Variants in CLDN14 observed in about 807,000 individuals in gnomAD.
CLDN14 encodes claudin 14.
In CLDN14, 2 loss-of-function variants were observed where a neutral mutation model predicts 2.1. The observed-to-expected ratio is 0.96, with a 90% CI of 0.39 to 3.01. The LOEUF (loss-of-function observed/expected upper bound fraction) is 3.01. Among genes scored for constraint, CLDN14 ranks in the 30% most tolerant of loss-of-function variants. CLDN14 has a pLI of 0.09. For missense variants in CLDN14, 298 were observed against 328.0 expected, an observed-to-expected ratio of 0.91 and a Z score of 0.71; for synonymous variants, 136 against 154.4, an observed-to-expected ratio of 0.88 and a Z score of 0.88.
intron 2 of CLDN14, among the ~76,000 whole-genome samples, chr21:36,489,649 G>C (rs1387469656): frequency 6.6e-6 from 1 of 152,210 alleles, no homozygotes; most frequent in East Asian, 1.9e-4. Flanking sequence ...ACCTGTCCTG[G>C]ATGCCACCTA....
intron 1 of CLDN14, among the ~76,000 whole-genome samples, chr21:36,550,534 G>T (rs562680182): frequency 1.3e-5 from 2 of 152,130 alleles, no homozygotes; most frequent in African/African-American, 4.8e-5. Context: ...CCTGCTCATC[G>T]CCAGGGTTTC....
chr21:36,482,452 A>ATGGATG (rs2086858768), upstream of CLDN14, among the ~76,000 whole-genome samples: 4 of 114,702 alleles, frequency 3.5e-5, no homozygotes, highest in African/African-American at 1.1e-4. Flanking sequence ...ATGGATGGAT[A>ATGGATG]GATGGATGGA....
At chr21:36,564,873 G>A (rs895196778) in intron 1 of CLDN14, among the ~76,000 whole-genome samples, 4 of 152,174 alleles carry the variant, frequency 2.6e-5, no homozygotes, top group African/African-American at 9.7e-5. Flanking sequence ...TGCTCACTTT[G>A]AAGGTGGAGA....
chr21:36,505,897 T>C (rs2087128133), intron 2 of CLDN14, among the ~76,000 whole-genome samples: 2 of 152,302 alleles, frequency 1.3e-5, no homozygotes, highest in East Asian at 1.9e-4. Flanking sequence ...CTGGCTTTTG[T>C]CTTCTCTGAA....
At chr21:36,532,739 G>C (rs1015944450) in intron 1 of CLDN14, among the ~76,000 whole-genome samples, 2 of 152,102 alleles carry the variant, frequency 1.3e-5, no homozygotes, top group African/African-American at 2.4e-5. Flanking sequence ...TCGAGAATGC[G>C]GGGAGAAAGA....
chr21:36,549,621 G>T (rs1334573518), intron 1 of CLDN14, among the ~76,000 whole-genome samples: 1 of 152,224 alleles, frequency 6.6e-6, no homozygotes, highest in Non-Finnish European at 1.5e-5. Flanking sequence ...CCAGCCACAG[G>T]CTCAGCCAGA....
intron 1 of CLDN14, among the ~76,000 whole-genome samples, chr21:36,538,248 T>C (rs2087446794): frequency 6.6e-6 from 1 of 152,116 alleles, no homozygotes; most frequent in Admixed American, 6.6e-5. Context: ...CCCAAACAAC[T>C]CAAATGGTTG....
At chr21:36,571,175 G>A (rs1006581759) in intron 1 of CLDN14, among the ~76,000 whole-genome samples, 8 of 152,222 alleles carry the variant, frequency 5.3e-5, no homozygotes, top group Non-Finnish European at 1.2e-4. Context: ...TAATGACACT[G>A]TGTAGAAAGC....
intron 1 of CLDN14, among the ~76,000 whole-genome samples, chr21:36,468,887 G>A (rs576522966): frequency 1.2e-4 from 18 of 151,978 alleles, no homozygotes; most frequent in African/African-American, 4.3e-4. Context: ...AGCCTCCAGA[G>A]TAGCTGGGAT....
rs751427421 is a variant in CLDN14, at chr21:36,461,031, G to T, written c.665C>A (p.Ala222Asp). 2 of 1,613,694 alleles carry T rather than the reference G, an allele frequency of 1.2e-6. No individual in the cohort carries two copies. Among genetic ancestry groups the T allele is most frequent in the Non-Finnish European group, 1.7e-6 (2 of 1,179,988 alleles). ...GTGCGTGGCCGAGGTCACTGAGGGGGCCCGATTGTCTTTGTAGGCAGCTGG... is the reference window on the plus strand; with the variant it reads ...GTGCGTGGCCGAGGTCACTGAGGGGTCCCGATTGTCTTTGTAGGCAGCTGG... ...QPPAAYKDNR[A>D]PSVTSATHSG... is the part of the protein sequence containing the mutation. The change falls in exon 2 of 2, where the codon GCC becomes GAC. Residue 222 changes from alanine to aspartate, a missense_variant. Coordinates refer to ENST00000399135, the MANE Select transcript of CLDN14 (RefSeq NM_001146079.2).
chr21:36,505,841 G>T (rs1306023493), intron 2 of CLDN14, among the ~76,000 whole-genome samples: 4 of 152,228 alleles, frequency 2.6e-5, no homozygotes, highest in Non-Finnish European at 4.4e-5. Flanking sequence ...TTGGATGGAG[G>T]GGAGGCGTAA....
In CLDN14 at chr21:36,551,433, CTCT is replaced by C. The variant is rs1244340909; in HGVS notation, c.-220+24975_-220+24977del. ...TGCCTCCTTTTCTTGCCTCTCTTCC[CTCT>C]TCAGCCCACAAACTCCTTGAGGTCT... On this transcript the variant is annotated intron_variant, in intron 1 of 2. Coordinates refer to the CLDN14 transcript ENST00000342108. This position sits in a 1 kb window ranked among gnomAD's most constrained non-coding sequence, Gnocchi z 4.8. Among the ~76,000 whole-genome samples, 5 of 152,206 alleles carry C rather than the reference CTCT, an allele frequency of 3.3e-5. No individual in the cohort carries two copies. Among genetic ancestry groups the C allele is most frequent in the Admixed American group, 1.3e-4 (2 of 15,286 alleles).
At chr21:36,557,905 G>A (rs900266112) in intron 1 of CLDN14, among the ~76,000 whole-genome samples, 7 of 152,116 alleles carry the variant, frequency 4.6e-5, no homozygotes, top group African/African-American at 1.7e-4. Context: ...TTCCTCTAGA[G>A]GTTTCAGGTC....
At chr21:36,501,408 T>C (rs77213226) in intron 2 of CLDN14, among the ~76,000 whole-genome samples, 7,222 of 139,334 alleles carry the variant, frequency 0.052, 613 homozygotes, top group African/African-American at 0.18. Flanking sequence ...TAGTGTGAGT[T>C]GTAGAAACCA....
Position 36,473,243 on chromosome 21 carries a change from T to A in CLDN14, c.-82+6252A>T, listed in dbSNP as rs116353730. 6.0e-3 allele frequency among the ~76,000 whole-genome samples: 913 copies of A among 152,286 alleles called. 8 individuals carry two copies. The highest frequency in any genetic ancestry group is 0.019 in the African/African-American group (803 of 41,554). ...GGACTACAGGCATGTGCCATCACAC[T>A]TGGCTAATTTCTAAAAATGTTTTAT... On this transcript the variant is annotated intron_variant, in intron 1 of 1. Transcript: ENST00000399135.
Position 36,551,927 on chromosome 21 carries a change from A to G in CLDN14, c.-220+24484T>C, listed in dbSNP as rs2146517791. 6.6e-6 allele frequency among the ~76,000 whole-genome samples: 1 copy of G among 152,150 alleles called. No individual in the cohort carries two copies. The highest frequency in any genetic ancestry group is 1.9e-4 in the East Asian group (1 of 5,172). On this transcript the variant is annotated intron_variant, in intron 1 of 2. Transcript: ENST00000342108. The surrounding 1 kb of genome is among the most constrained non-coding windows in gnomAD (Gnocchi z 4.8). ...ATCCTTCTTGGCTGCTGTTTTCATC[A>G]TTTTTTAAAGGACTGTTGAGGGTGG...
chr21:36,533,678 A>G (rs1284597726), intron 1 of CLDN14, among the ~76,000 whole-genome samples: 1 of 152,246 alleles, frequency 6.6e-6, no homozygotes, highest in Non-Finnish European at 1.5e-5. Context: ...GAGCCAGATC[A>G]TGTCCTTTGT....
intron 1 of CLDN14, among the ~76,000 whole-genome samples, chr21:36,524,035 C>T (rs2087301709): frequency 6.6e-6 from 1 of 152,034 alleles, no homozygotes; most frequent in Non-Finnish European, 1.5e-5. Flanking sequence ...TGACTGCTCT[C>T]TCCAAGCACA....
intron 1 of CLDN14, among the ~76,000 whole-genome samples, chr21:36,550,375 T>C (rs1478128263): frequency 6.6e-6 from 1 of 152,058 alleles, no homozygotes; most frequent in Non-Finnish European, 1.5e-5. Flanking sequence ...ACCCCAAAAG[T>C]CGAATAAGCT....
Sources: gnomAD v4.1 joint callset for allele counts (sites outside exome capture counted in the v4.1 genomes callset) on GRCh38, gnomAD v4.1.1 for gene constraint, Gnocchi (gnomAD v3.1) non-coding constraint, MANE v1.5 for transcripts, NCBI Gene and HGNC (gene_info 2026-07-23, HGNC 2026-07-21) for gene names.